TENM3: variants seen among roughly 807,000 people sequenced by gnomAD.
The protein encoded by TENM3 is teneurin-3.
A neutral mutation model predicts 255.1 loss-of-function variants in TENM3; 63 were observed. That is an observed-to-expected ratio of 0.25 (90% CI 0.20 to 0.30). The LOEUF (loss-of-function observed/expected upper bound fraction) is 0.30, where lower values mean the gene tolerates loss of function less well. Among genes scored for constraint, TENM3 ranks in the 10% least tolerant of loss-of-function variants. The pLI is 1.00. For synonymous variants in TENM3, 1,306 were observed against 1,322.3 expected, an observed-to-expected ratio of 0.99 and a Z score of 0.27; for missense variants, 2,929 against 3,461.1, an observed-to-expected ratio of 0.85 and a Z score of 3.86.
At chr4:182,420,963 T>C (rs1447109911) in intron 3 of TENM3, among the ~76,000 whole-genome samples, 3 of 152,050 alleles carry the variant, frequency 2.0e-5, no homozygotes, top group African/African-American at 7.2e-5. Flanking sequence ...AGAATTGATA[T>C]CAGTGCAAAG....
intron 3 of TENM3, among the ~76,000 whole-genome samples, chr4:182,420,871 TGAG>T (rs573837155): frequency 1.1e-3 from 163 of 152,326 alleles, no homozygotes; most frequent in African/African-American, 3.8e-3. Context: ...TGTGGAAAGA[TGAG>T]GAGTTTTCTT....
chr4:182,335,851 G>A (rs776809831), intron 2 of TENM3, among the ~76,000 whole-genome samples: 1 of 152,088 alleles, frequency 6.6e-6, no homozygotes, highest in African/African-American at 2.4e-5. Context: ...AAGATAAACA[G>A]CCCAATGGGA....
intron 3 of TENM3, among the ~76,000 whole-genome samples, chr4:182,531,069 A>G (rs1027350649): frequency 9.9e-5 from 15 of 152,228 alleles, no homozygotes; most frequent in Admixed American, 3.9e-4. Context: ...CTCGAAACCA[A>G]GCTCTGGGAG....
chr4:181,780,672 T>G, the TENM3 span, among the ~76,000 whole-genome samples: 1 of 152,224 alleles, frequency 6.6e-6, no homozygotes, highest in Admixed American at 6.5e-5. Context: ...TGGCTTTTGT[T>G]GCTGTTGCTT....
chr4:182,044,300 A>G, the TENM3 span, among the ~76,000 whole-genome samples: 2 of 152,238 alleles, frequency 1.3e-5, no homozygotes, highest in African/African-American at 4.8e-5. Flanking sequence ...GAGTTTCTTC[A>G]AACTATATGA....
intron 3 of TENM3, among the ~76,000 whole-genome samples, chr4:182,450,439 G>A (rs1208534220): frequency 1.3e-5 from 2 of 151,998 alleles, no homozygotes; most frequent in African/African-American, 2.4e-5. Context: ...GTATTAAAAT[G>A]CGACTGCAGC....
At chr4:181,711,656 C>T in the TENM3 span, among the ~76,000 whole-genome samples, 2 of 152,228 alleles carry the variant, frequency 1.3e-5, no homozygotes, top group East Asian at 3.8e-4. Context: ...GGAAACCCAA[C>T]TTGGTGACCT....
chr4:181,641,017 G>A, the TENM3 span, among the ~76,000 whole-genome samples: 1 of 151,996 alleles, frequency 6.6e-6, no homozygotes, highest in South Asian at 2.1e-4. Context: ...TTGAAAAACT[G>A]GTAATCACAC....
chr4:181,817,039 G>T, the TENM3 span, among the ~76,000 whole-genome samples: 1 of 152,174 alleles, frequency 6.6e-6, no homozygotes, highest in African/African-American at 2.4e-5. Flanking sequence ...GTCACAGTTG[G>T]CTTTGAACTC....
the TENM3 span, among the ~76,000 whole-genome samples, chr4:181,516,311 C>A: frequency 1.3e-5 from 2 of 148,150 alleles, no homozygotes; most frequent in African/African-American, 2.5e-5. Context: ...CCGTGGCACA[C>A]ATTTATCTAT....
At chr4:181,522,771 G>A in the TENM3 span, 1 of 775,906 alleles carries the variant, frequency 1.3e-6, no homozygotes, top group Admixed American at 1.8e-5. Flanking sequence ...AGTAAATGGA[G>A]AACAACTGGA....
the TENM3 span, among the ~76,000 whole-genome samples, chr4:181,903,816 T>A: frequency 1.3e-5 from 2 of 152,158 alleles, no homozygotes; most frequent in Non-Finnish European, 2.9e-5. Flanking sequence ...CTCATCTGAC[T>A]GATGCATCCT....
the TENM3 span, among the ~76,000 whole-genome samples, chr4:181,713,632 T>A: frequency 2.0e-5 from 3 of 152,176 alleles, no homozygotes; most frequent in South Asian, 6.2e-4. Flanking sequence ...AGCCACATCT[T>A]TATAACTAAT....
upstream of TENM3, among the ~76,000 whole-genome samples, chr4:182,140,040 A>G (rs1008507922): frequency 6.6e-6 from 1 of 152,246 alleles, no homozygotes; most frequent in African/African-American, 2.4e-5. Context: ...TCGAATTAAA[A>G]TATTTGTTTT....
At chr4:181,888,494 G>GTGTA in the TENM3 span, among the ~76,000 whole-genome samples, 2 of 28,242 alleles carry the variant, frequency 7.1e-5, no homozygotes, top group African/African-American at 1.7e-4. Context: ...ATAGAAATGT[G>GTGTA]TATATATATA....
At chr4:181,865,744 T>C in the TENM3 span, among the ~76,000 whole-genome samples, 1 of 152,190 alleles carries the variant, frequency 6.6e-6, no homozygotes, top group Non-Finnish European at 1.5e-5. Flanking sequence ...ATGATACAGG[T>C]CCATAGGTTT....
chr4:182,748,114 A>G (rs1442890783), intron 19 of TENM3, among the ~76,000 whole-genome samples: 2 of 152,218 alleles, frequency 1.3e-5, no homozygotes, highest in African/African-American at 4.8e-5. Flanking sequence ...TGTCTAATTG[A>G]ATGAGACTAG....
the TENM3 span, among the ~76,000 whole-genome samples, chr4:181,879,677 C>T: frequency 6.6e-6 from 1 of 152,102 alleles, no homozygotes; most frequent in African/African-American, 2.4e-5. Flanking sequence ...TTCAAAATAT[C>T]TTGTATCCCT....
At chr4:181,470,159 G>A in the TENM3 span, among the ~76,000 whole-genome samples, 1 of 144,276 alleles carries the variant, frequency 6.9e-6, no homozygotes. Context: ...ATTTACTGAT[G>A]TTTTAAACAA....
Sources: gnomAD v4.1 joint callset for allele counts (sites outside exome capture counted in the v4.1 genomes callset) on GRCh38, gnomAD v4.1.1 for gene constraint, MANE v1.5 for transcripts, NCBI Gene and HGNC (gene_info 2026-07-23, HGNC 2026-07-21) for gene names.